PLEKHA5: variants seen among roughly 807,000 people sequenced by gnomAD.
PLEKHA5 encodes the protein pleckstrin homology domain-containing family A member 5.
A neutral mutation model predicts 181.9 loss-of-function variants in PLEKHA5; 55 were observed. The ratio of observed to expected loss-of-function variants is 0.30; its 90% confidence interval spans 0.24 to 0.38. The LOEUF (loss-of-function observed/expected upper bound fraction) is 0.38, where lower values mean the gene tolerates loss of function less well. Ranked by LOEUF, PLEKHA5 falls within the 10% of genes least tolerant of loss-of-function variation. The probability of loss-of-function intolerance (pLI) is 1.00; values close to 1 mark genes in which losing one functional copy is unlikely to be tolerated. For missense variants in PLEKHA5, 1,432 were observed against 1,549.5 expected (o/e 0.92, Z 1.27); for synonymous variants, 535 against 529.4 (o/e 1.01, Z -0.15).
At chr12:19,167,695 A>C (rs1306723164) in intron 3 of PLEKHA5, among the ~76,000 whole-genome samples, 1 of 152,028 alleles carries the variant, frequency 6.6e-6, no homozygotes, top group African/African-American at 2.4e-5. Context: ...TGGTCGTTGT[A>C]CTTATGGAGT....
At chr12:19,316,508 G>A (rs1316223898) in intron 16 of PLEKHA5, among the ~76,000 whole-genome samples, 3 of 152,022 alleles carry the variant, frequency 2.0e-5, no homozygotes, top group Admixed American at 2.0e-4. Context: ...CAATAGATTT[G>A]TATAAATATT....
intron 15 of PLEKHA5, chr12:19,306,530 G>A (rs780670389): frequency 5.4e-6 from 4 of 740,420 alleles, no homozygotes; most frequent in South Asian, 1.4e-5. Context: ...GAGGGAGAAC[G>A]CCGCGAGCAG....
intron 3 of PLEKHA5, among the ~76,000 whole-genome samples, chr12:19,145,856 T>C (rs76979075): frequency 6.6e-6 from 1 of 152,264 alleles, no homozygotes; most frequent in East Asian, 1.9e-4. Flanking sequence ...AGTAAGATCC[T>C]GCTAAACCCC....
At chr12:19,336,436 C>T (rs569588977) in intron 20 of PLEKHA5, 79 bp from the exon 21 acceptor site, 13 of 743,420 alleles carry the variant, frequency 1.7e-5, no homozygotes, top group Admixed American at 7.5e-5. Flanking sequence ...TTTCTAAAAT[C>T]TAGAAAGTTA....
intron 3 of PLEKHA5, among the ~76,000 whole-genome samples, chr12:19,239,087 G>A (rs553613700): frequency 1.8e-4 from 27 of 152,102 alleles, no homozygotes; most frequent in Non-Finnish European, 3.1e-4. Flanking sequence ...TTCCCTTGTG[G>A]TAGACAGTAC....
intron 3 of PLEKHA5, among the ~76,000 whole-genome samples, chr12:19,191,687 C>A (rs2051160522): frequency 6.6e-6 from 1 of 150,540 alleles, no homozygotes; most frequent in African/African-American, 2.5e-5. Flanking sequence ...TCTCAAGCTG[C>A]TTGGTTGGGT....
chr12:19,332,067 T>A (rs1565626898), intron 20 of PLEKHA5, among the ~76,000 whole-genome samples: 1 of 152,092 alleles, frequency 6.6e-6, no homozygotes, highest in Non-Finnish European at 1.5e-5. Context: ...GAAAGATTGC[T>A]TGAGCCCAGG....
rs530725195 is a variant in PLEKHA5 at position 19,257,956 on chromosome 12, A to C, written c.537+419A>C. Among the ~76,000 whole-genome samples, 54 of 152,230 alleles carry C rather than the reference A, an allele frequency of 3.5e-4. No homozygotes were observed. The East Asian group carries it at 8.1e-3, about 23-fold the overall frequency. Reference sequence around the variant, plus strand: ...ACAGTTGTATATTTCCCCCCTTTATACAGAAATTTTACAATAATTTCAGAT... The same window carrying C: ...ACAGTTGTATATTTCCCCCCTTTATCCAGAAATTTTACAATAATTTCAGAT... On this transcript the variant is annotated intron_variant, in intron 6 of 31. Coordinates refer to ENST00000429027, the MANE Select transcript of PLEKHA5 (RefSeq NM_001256470.2).
At chr12:19,181,259 A>G (rs1433376200) in intron 3 of PLEKHA5, among the ~76,000 whole-genome samples, 1 of 152,182 alleles carries the variant, frequency 6.6e-6, no homozygotes, top group Non-Finnish European at 1.5e-5. Flanking sequence ...GCACTAAGAT[A>G]AGATTATTAA....
chr12:19,204,218 G>A (rs1210258725), intron 3 of PLEKHA5, among the ~76,000 whole-genome samples: 3 of 152,110 alleles, frequency 2.0e-5, no homozygotes, highest in Non-Finnish European at 4.4e-5. Flanking sequence ...AGGTGACCAG[G>A]AAGGGTTGGG....
intron 3 of PLEKHA5, among the ~76,000 whole-genome samples, chr12:19,159,408 A>G (rs2042467912): frequency 1.3e-5 from 2 of 152,298 alleles, no homozygotes; most frequent in Non-Finnish European, 1.5e-5. Context: ...GTAGTTACCC[A>G]CAATCTCACC....
chr12:19,375,082 G>T (rs2095683508), intron 31 of PLEKHA5, among the ~76,000 whole-genome samples: 1 of 152,022 alleles, frequency 6.6e-6, no homozygotes, highest in Non-Finnish European at 1.5e-5. Flanking sequence ...CTAGCACTTT[G>T]GGAGGCCAAG....
At chr12:19,234,993 A>T (rs1234684355) in intron 3 of PLEKHA5, among the ~76,000 whole-genome samples, 1 of 152,062 alleles carries the variant, frequency 6.6e-6, no homozygotes, top group Non-Finnish European at 1.5e-5. Flanking sequence ...TGTTTCATTG[A>T]CTTCTTTTTC....
chr12:19,194,116 G>T (rs1003652361), intron 3 of PLEKHA5, among the ~76,000 whole-genome samples: 1 of 152,118 alleles, frequency 6.6e-6, no homozygotes, highest in Non-Finnish European at 1.5e-5. Context: ...AATCATGTCA[G>T]TCGCCATTGT....
chr12:19,261,013 A>T lies in PLEKHA5; in HGVS notation c.602A>T (p.Tyr201Phe). The T allele has an allele frequency of 6.3e-7, 1 of 1,585,576 alleles. No homozygotes were observed. The highest frequency in any genetic ancestry group is 8.6e-7 in the Non-Finnish European group (1 of 1,157,640). Residue 201 changes from tyrosine to phenylalanine, a missense_variant, in exon 7 of 32, where the codon TAT becomes TTT. Around this residue, in one of 2 missense-constraint regions of PLEKHA5, gnomAD observed 289 missense variants for 381.1 expected, o/e 0.76. Transcript: ENST00000429027. ...GTGCTTTCTGACCTTTGCCTCTTTT[A>T]TTATAGAGGTAAGTTTACCCTACTG... ...WFVLSDLCLF[Y>F]YRDEKEEGIL...
chr12:19,184,657 G>T (rs2049398919), intron 3 of PLEKHA5, among the ~76,000 whole-genome samples: 1 of 152,154 alleles, frequency 6.6e-6, no homozygotes, highest in Admixed American at 6.5e-5. Context: ...GGTAGGAAAG[G>T]CTAATTTTGT....
chr12:19,218,798 A>G (rs1006255036), intron 3 of PLEKHA5, among the ~76,000 whole-genome samples: 3 of 151,794 alleles, frequency 2.0e-5, no homozygotes, highest in Non-Finnish European at 4.4e-5. Context: ...TTATTTTTGT[A>G]TATCAGCAGA....
In PLEKHA5 at chr12:19,274,505, T is replaced by C. The variant is rs371032406; in HGVS notation, c.846-11T>C. The C allele has an allele frequency of 2.0e-6, 3 of 1,524,378 alleles. No homozygotes were observed. The African/African-American group carries it at 4.2e-5, about 21-fold the overall frequency. The allele number at this position is 1,524,378 out of a possible 1,614,324, so 94.4% of individuals were successfully genotyped here. ...CATCTGATTTACTATGATTTTCTTC[T>C]CTGATTTCAGAGTGGACAAGATTAC... is the stretch of plus-strand genomic sequence containing the variant. On this transcript the variant is annotated splice_polypyrimidine_tract_variant and intron_variant, in intron 10 of 31. Coordinates refer to ENST00000429027, the MANE Select transcript of PLEKHA5 (RefSeq NM_001256470.2).
Position 19,200,427 on chromosome 12 carries a change from T to C in PLEKHA5, c.228-53513T>C, listed in dbSNP as rs1028241776. ...ACTAGCTTCACTTCTTGGTGACTAA[T>C]ACTAGTTGACAAAACAGCATATTCT... On this transcript the variant is annotated intron_variant, in intron 3 of 31. Coordinates refer to ENST00000429027, the MANE Select transcript of PLEKHA5 (RefSeq NM_001256470.2). The C allele has an allele frequency of 8.0e-6, 12 of 1,494,562 alleles. No individual in the cohort carries two copies. In the African/African-American group the frequency reaches 1.3e-4, roughly 16 times the overall value. The allele number at this position is 1,494,562 out of a possible 1,614,324, so 92.6% of individuals were successfully genotyped here. A position where few individuals can be genotyped will look rare whatever the true frequency, so the allele number is the denominator to read the frequency against.
Sources: allele counts gnomAD v4.1 joint callset (sites outside exome capture counted in the v4.1 genomes callset), GRCh38; gene constraint gnomAD v4.1.1; regional missense constraint gnomAD v4.1.1; transcripts MANE v1.5; gene names NCBI Gene and HGNC (gene_info 2026-07-23, HGNC 2026-07-21).